IL1RAPL1: variants seen among roughly 807,000 people sequenced by gnomAD.
The protein encoded by IL1RAPL1 is interleukin 1 receptor accessory protein like 1.
In IL1RAPL1, 3 loss-of-function variants were observed where a neutral mutation model predicts 48.4. The observed-to-expected ratio is 0.06, with a 90% CI of 0.03 to 0.16. IL1RAPL1 has a LOEUF of 0.16. IL1RAPL1 is among the 10% of genes least tolerant of loss of function. The pLI, the probability that IL1RAPL1 is intolerant of heterozygous loss-of-function variation, is 1.00. For missense variants in IL1RAPL1, 349 were observed against 530.6 expected (o/e 0.66, Z 3.36); for synonymous variants, 185 against 187.7 (o/e 0.99, Z 0.12).
intron 3 of IL1RAPL1, among the ~76,000 whole-genome samples, chrX:29,365,776 C>G (rs181696484): frequency 5.4e-5 from 6 of 110,212 alleles, no homozygotes; most frequent in African/African-American, 2.0e-4. Flanking sequence ...CAGTTTCTCA[C>G]GCCTGTAATC....
chrX:29,873,050 T>C (rs1479025692), intron 6 of IL1RAPL1, among the ~76,000 whole-genome samples: 6 of 111,467 alleles, frequency 5.4e-5, no homozygotes, highest in African/African-American at 1.6e-4. Flanking sequence ...TGATGTGATG[T>C]CACTGGAGGG....
rs144086130 is a variant in IL1RAPL1 at position 28,971,453 on chromosome X, C to T, written c.82+182028C>T. On this transcript the variant is annotated intron_variant, in intron 2 of 10. Transcript: ENST00000378993. Reference sequence around the variant, plus strand: ...GCCACTCAAGGTTCTCCTTCGTAATCTCTAGCAGATAATCTATAAATCCCA... The same window carrying T: ...GCCACTCAAGGTTCTCCTTCGTAATTTCTAGCAGATAATCTATAAATCCCA... Among the ~76,000 whole-genome samples, 645 of 111,842 alleles carry T rather than the reference C, an allele frequency of 5.8e-3. 4 individuals are homozygous for T. The highest frequency in any genetic ancestry group is 0.02 in the African/African-American group (607 of 30,793).
intron 5 of IL1RAPL1, among the ~76,000 whole-genome samples, chrX:29,463,204 A>AC (rs1468126028): frequency 9.0e-6 from 1 of 111,482 alleles, no homozygotes; most frequent in African/African-American, 3.3e-5. Context: ...CAAAAAAAAA[A>AC]AAACCCACAT....
intron 2 of IL1RAPL1, among the ~76,000 whole-genome samples, chrX:28,834,505 T>C (rs4893593): frequency 0.14 from 15,265 of 110,605 alleles, 1,886 homozygotes; most frequent in African/African-American, 0.39. Context: ...AAAGCCTTCT[T>C]ATAATTCTGT....
chrX:28,650,734 A>C (rs1027989822), intron 1 of IL1RAPL1, among the ~76,000 whole-genome samples: 1 of 111,810 alleles, frequency 8.9e-6, no homozygotes, highest in Non-Finnish European at 1.9e-5. Context: ...CTTAAAAGGT[A>C]GTTTTTATTA....
intron 5 of IL1RAPL1, among the ~76,000 whole-genome samples, chrX:29,508,968 A>G (rs954953769): frequency 1.5e-4 from 17 of 112,295 alleles, no homozygotes; most frequent in African/African-American, 5.2e-4. Flanking sequence ...GTTCTGTTAC[A>G]ATAACATTTA....
intron 1 of IL1RAPL1, among the ~76,000 whole-genome samples, chrX:28,752,123 A>T (rs1369744964): frequency 2.7e-5 from 3 of 112,286 alleles, no homozygotes; most frequent in Non-Finnish European, 3.8e-5. Context: ...TTTTATTTTT[A>T]AAAAATGGGC....
At chrX:29,835,023 T>C (rs1427980655) in intron 6 of IL1RAPL1, among the ~76,000 whole-genome samples, 3 of 112,131 alleles carry the variant, frequency 2.7e-5, no homozygotes, top group African/African-American at 9.7e-5. Flanking sequence ...TTCAAAAACA[T>C]TGTAGTTCCC....
intron 6 of IL1RAPL1, among the ~76,000 whole-genome samples, chrX:29,676,644 C>G (rs1344880927): frequency 9.0e-6 from 1 of 111,304 alleles, no homozygotes; most frequent in Non-Finnish European, 1.9e-5. Context: ...TTAAAGGACA[C>G]TATGCCACAT....
intron 2 of IL1RAPL1, among the ~76,000 whole-genome samples, chrX:29,154,821 A>T (rs1432330904): frequency 9.0e-6 from 1 of 111,486 alleles, no homozygotes; most frequent in East Asian, 2.8e-4. Flanking sequence ...TGTTAATAAA[A>T]GTAAAATTAG....
intron 3 of IL1RAPL1, among the ~76,000 whole-genome samples, chrX:29,371,839 C>A (rs1295356723): frequency 8.9e-6 from 1 of 112,068 alleles, no homozygotes; most frequent in East Asian, 2.8e-4. Context: ...TCCAATCCAC[C>A]ATTGATGGGC....
intron 6 of IL1RAPL1, among the ~76,000 whole-genome samples, chrX:29,888,004 C>T (rs762293776): frequency 3.6e-5 from 4 of 111,426 alleles, no homozygotes; most frequent in Admixed American, 2.9e-4. Context: ...TCCTAACACC[C>T]GATCTTCATT....
chrX:29,730,045 G>A (rs942036995), intron 6 of IL1RAPL1, among the ~76,000 whole-genome samples: 3 of 112,124 alleles, frequency 2.7e-5, no homozygotes, highest in Non-Finnish European at 5.6e-5. Flanking sequence ...TAATCACAAT[G>A]CTGTTCAGAA....
intron 6 of IL1RAPL1, among the ~76,000 whole-genome samples, chrX:29,732,513 T>A (rs1158547533): frequency 8.9e-6 from 1 of 111,840 alleles, no homozygotes; most frequent in Non-Finnish European, 1.9e-5. Context: ...ATCCTTTCTA[T>A]GCCCTAACTA....
intron 2 of IL1RAPL1, among the ~76,000 whole-genome samples, chrX:29,158,624 G>A (rs1174741686): frequency 1.8e-5 from 2 of 110,711 alleles, no homozygotes; most frequent in Admixed American, 9.7e-5. Flanking sequence ...TTATCTGCCC[G>A]ACTCGGCCTC....
intron 1 of IL1RAPL1, among the ~76,000 whole-genome samples, chrX:28,732,376 C>T (rs975264077): frequency 1.8e-5 from 2 of 111,530 alleles, no homozygotes; most frequent in Admixed American, 9.6e-5. Context: ...TCGAAATTTA[C>T]GAACATTCTG....
chrX:29,381,866 ATATACT>A (rs1933715567), intron 3 of IL1RAPL1, among the ~76,000 whole-genome samples: 1 of 100,724 alleles, frequency 9.9e-6, no homozygotes, highest in Non-Finnish European at 2.0e-5. Context: ...ATATATATAC[ATATACT>A]TATGTGCTTT....
chrX:29,425,380 A>T (rs765284286), intron 5 of IL1RAPL1, among the ~76,000 whole-genome samples: 1 of 111,238 alleles, frequency 9.0e-6, no homozygotes, highest in African/African-American at 3.3e-5. Context: ...GAGCTAGTCA[A>T]GACAGAAGGG....
At chrX:29,779,164 C>T (rs1465014128) in intron 6 of IL1RAPL1, among the ~76,000 whole-genome samples, 1 of 111,616 alleles carries the variant, frequency 9.0e-6, no homozygotes, top group Non-Finnish European at 1.9e-5. Flanking sequence ...TATCAACCTG[C>T]TGAAAAAACT....
Sources: allele counts gnomAD v4.1 joint callset (sites outside exome capture counted in the v4.1 genomes callset), GRCh38; gene constraint gnomAD v4.1.1; transcripts MANE v1.5; gene names NCBI Gene and HGNC (gene_info 2026-07-23, HGNC 2026-07-21).